The following PPRC1 variants were observed in gnomAD, a reference collection of about 807,000 sequenced individuals.
The protein encoded by PPRC1 is PPARG related coactivator 1.
Under a neutral mutation model 132.5 loss-of-function variants are expected in PPRC1, and 23 were observed. The ratio of observed to expected loss-of-function variants is 0.17; its 90% CI spans 0.12 to 0.25. The LOEUF is 0.25. Ranked by LOEUF, PPRC1 falls within the 10% of genes least tolerant of loss-of-function variation. PPRC1 has a pLI of 1.00. For synonymous variants in PPRC1, 872 were observed against 833.5 expected (o/e 1.05, Z -0.80); for missense variants, 2,006 against 2,089.1 (o/e 0.96, Z 0.78).
Position 102,141,701 on chromosome 10 carries a change from C to T in PPRC1, c.3193C>T (p.His1065Tyr). 2 of 1,614,032 alleles carry T rather than the reference C, an allele frequency of 1.2e-6. No individual in the cohort carries two copies. The highest frequency in any genetic ancestry group is 1.7e-6 in the Non-Finnish European group (2 of 1,179,926). The part of the protein sequence containing the change: ...VEVKPVPASP[H>Y]PKHKVSALVQ... ...GGTCAAGCCAGTGCCTGCATCTCCC[C>T]ATCCGAAACACAAGGTGTCTGCCCT... The change falls in exon 5 of 14, where the codon CAT becomes TAT. Residue 1065 changes from histidine to tyrosine, a missense_variant. This residue lies in a region of PPRC1 where 1,914 missense variants were observed against 1,917.2 expected (regional missense o/e 1.00). Coordinates refer to ENST00000278070, the MANE Select transcript of PPRC1 (RefSeq NM_015062.5).
In PPRC1 at chr10:102,144,276, C is replaced by T; in HGVS notation, c.3577C>T (p.Pro1193Ser). The change falls in exon 7 of 14, where the codon CCT (proline) becomes TCT (serine). Residue 1193 changes from proline to serine, a missense_variant. Coordinates refer to ENST00000278070, the MANE Select transcript of PPRC1 (RefSeq NM_015062.5). ...EAKKECPPPA[P>S]ADSLAVGNSG... The stretch of plus-strand genomic sequence containing the variant: ...CAAAAAGGAGTGTCCTCCTCCGGCT[C>T]CTGCTGACAGCTTGGCTGTAGGAAA... The T allele has an allele frequency of 6.2e-7, 1 of 1,614,158 alleles. No homozygotes were observed. Among genetic ancestry groups the T allele is most frequent in the Non-Finnish European group, 8.5e-7 (1 of 1,180,036 alleles).
upstream of PPRC1, among the ~76,000 whole-genome samples, chr10:102,130,799 T>C (rs1033874813): frequency 1.3e-5 from 2 of 152,020 alleles, no homozygotes; most frequent in Admixed American, 6.6e-5. Flanking sequence ...ACACCTGTAA[T>C]CCCAACACAT....
intron 12 of PPRC1, 50 bp from the exon 13 acceptor site, chr10:102,149,128 C>T: frequency 1.9e-6 from 3 of 1,540,784 alleles, no homozygotes; most frequent in Non-Finnish European, 2.6e-6. Flanking sequence ...TCCTCTATGG[C>T]ATGGGCCCAT....
At position 102,133,096 on chromosome 10, in the gene PPRC1, G is replaced by C; in HGVS notation, c.28G>C (p.Gly10Arg). 8.0e-7 allele frequency: 1 copy of C among 1,243,920 alleles called. No homozygotes were observed. Among genetic ancestry groups the C allele is most frequent in the Non-Finnish European group, 1.0e-6 (1 of 988,198 alleles). 77.1% of individuals were successfully genotyped at this position (1,243,920 alleles called of 1,614,324 possible). ...GGCGGCGCGCCGGGGACGGAGAGAC[G>C]GAGTCGCGCCGCCCCCGAGTGGGGG... The part of the protein sequence containing the change: MAARRGRRD[G>R]VAPPPSGGPG... Residue 10 changes from glycine (G) to arginine (R), a missense_variant, in exon 1 of 14, where the codon GGA (glycine) becomes CGA (arginine). Physicochemically the swap from Gly to Arg is moderately radical, Grantham distance 125. This residue lies in a region of PPRC1 where 1,914 missense variants were observed against 1,917.2 expected (regional missense o/e 1.00). Coordinates refer to ENST00000278070, the MANE Select transcript of PPRC1 (RefSeq NM_015062.5).
chr10:102,144,054 C>G (rs2069114766), intron 6 of PPRC1, among the ~76,000 whole-genome samples, 196 bp from the exon 7 acceptor site: 2 of 152,194 alleles, frequency 1.3e-5, no homozygotes, highest in Admixed American at 1.3e-4. Context: ...GTGGGTGTTT[C>G]TGAGCAGAAA....
intron 8 of PPRC1, among the ~76,000 whole-genome samples, chr10:102,145,855 ACT>A (rs943793604): frequency 2.6e-5 from 4 of 152,030 alleles, no homozygotes; most frequent in Admixed American, 6.6e-5. Context: ...ACAGGGCAAG[ACT>A]CTGTCTTTAA....
chr10:102,120,024 G>A, the PPRC1 span: 54 of 1,303,646 alleles, frequency 4.1e-5, no homozygotes, highest in Non-Finnish European at 5.3e-5. Context: ...CCAAACACGG[G>A]GTGAGGGGTC....
intron 13 of PPRC1, 141 bp downstream of exon 13, chr10:102,149,470 C>G (rs577743332): frequency 1.9e-6 from 2 of 1,032,606 alleles, no homozygotes; most frequent in Non-Finnish European, 2.6e-6. Flanking sequence ...TGGTGGCTCA[C>G]GCCTGTAATC....
At chr10:102,134,889 T>G (rs2068665894) in intron 1 of PPRC1, among the ~76,000 whole-genome samples, 1 of 152,150 alleles carries the variant, frequency 6.6e-6, no homozygotes, top group Non-Finnish European at 1.5e-5. Context: ...GCTATAATAG[T>G]TAAGTAGTAA....
intron 12 of PPRC1, 58 bp from the exon 13 acceptor site, chr10:102,149,120 C>T (rs2069401403): frequency 2.6e-6 from 4 of 1,535,846 alleles, no homozygotes; most frequent in East Asian, 2.3e-5. Flanking sequence ...GCTGTGTCTC[C>T]TCTATGGCAT....
At chr10:102,144,380 A>G in intron 7 of PPRC1, 73 bp downstream of exon 7, 4 of 1,422,962 alleles carry the variant, frequency 2.8e-6, no homozygotes, top group Non-Finnish European at 3.9e-6. Flanking sequence ...AGGACTGTCA[A>G]CTGGATGCCT....
At chr10:102,137,675 A>T (rs1482285352) in intron 1 of PPRC1, among the ~76,000 whole-genome samples, 175 bp from the exon 2 acceptor site, 3 of 151,926 alleles carry the variant, frequency 2.0e-5, no homozygotes, top group Admixed American at 2.0e-4. Context: ...TGCCATCCTT[A>T]TTGGGGTTTT....
At chr10:102,143,844 T>G (rs1412683305) in intron 6 of PPRC1, among the ~76,000 whole-genome samples, 1 of 152,202 alleles carries the variant, frequency 6.6e-6, no homozygotes, top group Non-Finnish European at 1.5e-5. Context: ...GACACTATCT[T>G]CTTCTCAAGG....
At chr10:102,122,828 T>C in the PPRC1 span, among the ~76,000 whole-genome samples, 31 of 152,340 alleles carry the variant, frequency 2.0e-4, 1 homozygote, top group African/African-American at 7.2e-4. Flanking sequence ...TACTTGAGCA[T>C]GCACTAATGC....
In PPRC1 at chr10:102,141,513, T is replaced by C. The variant is rs2068977817; in HGVS notation, c.3005T>C (p.Leu1002Ser). Reference protein sequence around the residue: ...PFWSTVPPPPLPPASIGRAVP... With the variant: ...PFWSTVPPPPSPPASIGRAVP... ...TGGTCTACTGTTCCCCCACCTCCTT[T>C]GCCTCCAGCCTCCATTGGGAGAGCT... is the stretch of plus-strand genomic sequence containing the variant. The change falls in exon 5 of 14, where the codon TTG becomes TCG. Residue 1002 changes from leucine (L) to serine (S), a missense_variant. Physicochemically the swap from Leu to Ser is moderately radical, Grantham distance 145 (BLOSUM62 -2). This residue lies in a region of PPRC1 where 1,914 missense variants were observed against 1,917.2 expected (regional missense o/e 1.00). Transcript: ENST00000278070. 6.2e-7 allele frequency: 1 copy of C among 1,613,844 alleles called. No individual in the cohort carries two copies. The highest frequency in any genetic ancestry group is 1.3e-5 in the African/African-American group (1 of 74,932).
At chr10:102,132,963 A>C, upstream of PPRC1, 1 of 1,226,274 alleles carries the variant, frequency 8.2e-7, no homozygotes, top group Non-Finnish European at 1.0e-6. Flanking sequence ...GCTCTCTGGG[A>C]TTCGTAGTCT....
In PPRC1 at chr10:102,141,829, C is replaced by G. The variant is rs771724594; in HGVS notation, c.3321C>G (p.Thr1107=). 4.3e-6 allele frequency: 7 copies of G among 1,613,906 alleles called. No homozygotes were observed. The African/African-American group carries it at 9.3e-5, about 22-fold the overall frequency. Residue 1107 remains threonine (T), a synonymous_variant, in exon 5 of 14, where the codon ACC becomes ACG. Transcript: ENST00000278070. Reference sequence around the variant, plus strand: ...GGCTAAAGCCTGAGACCCAAGAGACCAGGCCCAGGGAGAAGCCCCCCTTGC... The same window carrying G: ...GGCTAAAGCCTGAGACCCAAGAGACGAGGCCCAGGGAGAAGCCCCCCTTGC... ...SERLKPETQE[T]RPREKPPLPA...
intron 5 of PPRC1, 121 bp from the exon 6 acceptor site, chr10:102,142,924 A>AC: frequency 1.2e-6 from 1 of 819,876 alleles, no homozygotes; most frequent in Non-Finnish European, 1.9e-6. Flanking sequence ...ACCTTGGTTC[A>AC]CTTAGTACAG....
Position 102,139,325 on chromosome 10 carries a change from G to A in PPRC1, c.817G>A (p.Asp273Asn), listed in dbSNP as rs1210893115. The change falls in exon 5 of 14, where the codon GAC becomes AAC. Residue 273 changes from aspartate to asparagine, a missense_variant. Physicochemically the swap from Asp to Asn is conservative, Grantham distance 23 (BLOSUM62 1). This residue lies in a region of PPRC1 where 1,914 missense variants were observed against 1,917.2 expected (regional missense o/e 1.00). Coordinates refer to ENST00000278070, the MANE Select transcript of PPRC1 (RefSeq NM_015062.5). Reference protein sequence around the residue: ...ELDNCVSSIPDFPMHLACPEE... With the variant: ...ELDNCVSSIPNFPMHLACPEE... The stretch of plus-strand genomic sequence containing the variant: ...TGACAACTGTGTGAGCAGTATCCCG[G>A]ACTTCCCCATGCATTTGGCCTGCCC... 1.2e-6 allele frequency: 2 copies of A among 1,614,180 alleles called. No individual in the cohort carries two copies. Among genetic ancestry groups the A allele is most frequent in the Admixed American group, 1.7e-5 (1 of 60,010 alleles).
Sources: allele counts gnomAD v4.1 joint callset (sites outside exome capture counted in the v4.1 genomes callset), GRCh38; gene constraint gnomAD v4.1.1; regional missense constraint gnomAD v4.1.1; transcripts MANE v1.5; gene names NCBI Gene and HGNC (gene_info 2026-07-23, HGNC 2026-07-21).